Variants in RIN3 observed in about 807,000 individuals in gnomAD.
RIN3 encodes RAB5 interacting protein 3.
Under a neutral mutation model 76.3 loss-of-function variants are expected in RIN3, and 54 were observed. The ratio of observed to expected loss-of-function variants is 0.71; its 90% CI spans 0.57 to 0.89. The LOEUF (loss-of-function observed/expected upper bound fraction) is 0.89. RIN3 is among the 40% of genes least tolerant of loss of function. The probability of loss-of-function intolerance (pLI) is 0.00; values close to 1 mark genes in which losing one functional copy is unlikely to be tolerated. For synonymous variants in RIN3, 576 were observed against 564.0 expected (o/e 1.02, Z -0.30); for missense variants, 1,256 against 1,322.1 (o/e 0.95, Z 0.78).
intron 3 of RIN3, among the ~76,000 whole-genome samples, chr14:92,609,063 C>T (rs1047254387): frequency 6.6e-6 from 1 of 152,122 alleles, no homozygotes; most frequent in Non-Finnish European, 1.5e-5. Context: ...CCCAACTCCC[C>T]AAAGTCCGTT....
rs1897561133 is a variant in RIN3, at chr14:92,555,843, A to G, written c.137A>G (p.His46Arg). 6.2e-7 allele frequency: 1 copy of G among 1,614,138 alleles called. No individual in the cohort carries two copies. The highest frequency in any genetic ancestry group is 1.7e-5 in the Admixed American group (1 of 60,014). Residue 46 changes from histidine (H) to arginine (R), a missense_variant, in exon 2 of 10, where the codon CAC becomes CGC. His to Arg is a conservative substitution (Grantham distance 29, BLOSUM62 0). Around this residue, in one of 3 missense-constraint regions of RIN3, gnomAD observed 610 missense variants for 626.4 expected, o/e 0.97. Coordinates refer to ENST00000216487, the MANE Select transcript of RIN3 (RefSeq NM_024832.5). The part of the protein sequence containing the change: ...LPANPKNCLP[H>R]RRGISILEKL... Reference sequence around the variant, plus strand: ...GCCAACCCGAAAAACTGCCTTCCTCACCGCCGGGGCATCAGCATCCTGGAG... The same window carrying G: ...GCCAACCCGAAAAACTGCCTTCCTCGCCGCCGGGGCATCAGCATCCTGGAG...
At chr14:92,530,465 C>T (rs572153456) in intron 1 of RIN3, among the ~76,000 whole-genome samples, 81 of 152,278 alleles carry the variant, frequency 5.3e-4, no homozygotes, top group African/African-American at 1.8e-3. Flanking sequence ...CTAATTGCAG[C>T]GATTATGTCT....
At chr14:92,556,416 G>A (rs1057258968) in intron 2 of RIN3, among the ~76,000 whole-genome samples, 7 of 152,176 alleles carry the variant, frequency 4.6e-5, no homozygotes, top group African/African-American at 7.2e-5. Flanking sequence ...AGATGTTTTG[G>A]AGGTCAGGCT....
chr14:92,549,307 A>G (rs1360766659), intron 1 of RIN3, among the ~76,000 whole-genome samples: 8 of 152,120 alleles, frequency 5.3e-5, no homozygotes, highest in African/African-American at 1.7e-4. Context: ...GGCCAAGTCT[A>G]TACAGGAAGG....
intron 2 of RIN3, among the ~76,000 whole-genome samples, chr14:92,557,846 C>A (rs976278812): frequency 1.3e-5 from 2 of 152,212 alleles, no homozygotes. Flanking sequence ...GGATGCAGCT[C>A]GAAACCAGCC....
At chr14:92,603,286 A>G (rs1247919174) in intron 3 of RIN3, among the ~76,000 whole-genome samples, 1 of 152,128 alleles carries the variant, frequency 6.6e-6, no homozygotes, top group Non-Finnish European at 1.5e-5. Flanking sequence ...GCTTTTTTTC[A>G]GCACATTTTC....
chr14:92,520,370 G>T (rs910572435), intron 1 of RIN3, among the ~76,000 whole-genome samples: 5 of 152,208 alleles, frequency 3.3e-5, no homozygotes, highest in African/African-American at 7.2e-5. Flanking sequence ...TCCAGTAGAG[G>T]GGGGTGGGAG....
intron 1 of RIN3, among the ~76,000 whole-genome samples, chr14:92,551,832 A>G (rs1332985949): frequency 6.6e-6 from 1 of 152,152 alleles, no homozygotes; most frequent in African/African-American, 2.4e-5. Flanking sequence ...TTTTGCAGAT[A>G]TTTTTCCCCC....
chr14:92,651,885 G>GCCCCCCC lies in RIN3; in HGVS notation c.839_840insCCCCCCC (p.Pro283ThrfsTer143). ...CCCACCTCCAGGTGGGCCCCACGCCGCCCACCACCCCCTCCCCCAGTGCTG... is the reference window on the plus strand; with the variant it reads ...CCCACCTCCAGGTGGGCCCCACGCCGCCCCCCCCCCACCACCCCCTCCCCCAGTGCTG... On this transcript the variant is annotated frameshift_variant, in exon 6 of 10. Transcript: ENST00000216487. LOFTEE classifies it high-confidence loss of function. The GCCCCCCC allele has an allele frequency of 7.1e-7, 1 of 1,411,014 alleles. No homozygotes were observed. Among genetic ancestry groups the GCCCCCCC allele is most frequent in the Non-Finnish European group, 9.4e-7 (1 of 1,069,460 alleles). The allele number at this position is 1,411,014 out of a possible 1,614,324, so 87.4% of individuals were successfully genotyped here.
In RIN3 at chr14:92,611,768, C is replaced by T. The variant is rs184056269; in HGVS notation, c.368-3639C>T. On this transcript the variant is annotated intron_variant, in intron 3 of 9. Coordinates refer to ENST00000216487, the MANE Select transcript of RIN3 (RefSeq NM_024832.5). Reference sequence around the variant, plus strand: ...TCAACAGGTGGGTACTTTACTACCCCTGTTGTGTTCGTCTGTTGTTGCATT... The same window carrying T: ...TCAACAGGTGGGTACTTTACTACCCTTGTTGTGTTCGTCTGTTGTTGCATT... Among the ~76,000 whole-genome samples, 526 of 152,264 alleles carry T rather than the reference C, an allele frequency of 3.5e-3. 4 individuals carry two copies. Among genetic ancestry groups the T allele is most frequent in the African/African-American group, 0.012 (510 of 41,536 alleles).
chr14:92,615,573 A>T, intron 4 of RIN3, 94 bp downstream of exon 4: 4 of 1,056,642 alleles, frequency 3.8e-6, no homozygotes, highest in Non-Finnish European at 5.9e-6. Context: ...GGGAAGCCCC[A>T]GAGGGAGGGG....
chr14:92,588,555 T>G (rs1242622869), intron 3 of RIN3, among the ~76,000 whole-genome samples: 2 of 151,996 alleles, frequency 1.3e-5, no homozygotes, highest in African/African-American at 2.4e-5. Context: ...AGGGCACTAA[T>G]CCCATTCATG....
chr14:92,652,952 A>C lies in RIN3; in HGVS notation c.1903A>C (p.Thr635Pro), dbSNP rs1039011120. The C allele has an allele frequency of 2.5e-6, 4 of 1,613,544 alleles. No individual in the cohort carries two copies. Among genetic ancestry groups the C allele is most frequent in the African/African-American group, 1.3e-5 (1 of 74,874 alleles). ...CAGCCTGGAGATGATGGCGCGCCAG[A>C]CCTCCAGCACGGAGATGCTGCAGGA... ...VYSLEMMARQ[T>P]SSTEMLQEIR... The change falls in exon 6 of 10, where the codon ACC (threonine) becomes CCC (proline). Residue 635 changes from threonine (T) to proline (P), a missense_variant. Physicochemically the swap from Thr to Pro is conservative, Grantham distance 38. Transcript: ENST00000216487. This position sits in a 1 kb window ranked among gnomAD's most constrained non-coding sequence, Gnocchi z 6.4.
rs190034954 is a variant in RIN3, at chr14:92,587,083, C to T, written c.367+9606C>T. Among the ~76,000 whole-genome samples the T allele has an allele frequency of 5.9e-5, 9 of 152,294 alleles. No individual in the cohort carries two copies. The East Asian group carries it at 1.5e-3, about 26-fold the overall frequency. ...TGGGATTCGGCCAGGTCACGAAAGACCTTGACAACCACCCGAGGGTGTTAG... is the reference window on the plus strand; with the variant it reads ...TGGGATTCGGCCAGGTCACGAAAGATCTTGACAACCACCCGAGGGTGTTAG... On this transcript the variant is annotated intron_variant, in intron 3 of 9. Transcript: ENST00000216487.
At chr14:92,663,506 TGAA>T (rs1300837707) in intron 7 of RIN3, among the ~76,000 whole-genome samples, 3 of 152,204 alleles carry the variant, frequency 2.0e-5, no homozygotes, top group African/African-American at 7.2e-5. Context: ...CTCTGAGACG[TGAA>T]GGTCAGGCCA....
intron 5 of RIN3, among the ~76,000 whole-genome samples, chr14:92,642,448 G>A (rs1887050430): frequency 6.6e-6 from 1 of 152,100 alleles, no homozygotes; most frequent in Non-Finnish European, 1.5e-5. Context: ...CTGCTCAGGA[G>A]CCGTTGTAGG....
At chr14:92,687,767 C>G (rs1210791538) in intron 9 of RIN3, 159 bp from the exon 10 acceptor site, 5 of 635,890 alleles carry the variant, frequency 7.9e-6, no homozygotes, top group Non-Finnish European at 1.3e-5. Flanking sequence ...ACGGGCCCCC[C>G]GCAGGCTCGC....
intron 1 of RIN3, among the ~76,000 whole-genome samples, chr14:92,535,786 T>C (rs988650740): frequency 1.7e-4 from 26 of 151,080 alleles, no homozygotes; most frequent in African/African-American, 2.4e-5. Context: ...GCGATTCTCC[T>C]GCCTCAGCCT....
In RIN3 at chr14:92,653,007, G is replaced by A; in HGVS notation, c.1958G>A (p.Ser653Asn). The A allele has an allele frequency of 2.5e-6, 4 of 1,612,294 alleles. No individual in the cohort carries two copies. The highest frequency in any genetic ancestry group is 3.4e-6 in the Non-Finnish European group (4 of 1,180,038). Residue 653 changes from serine (S) to asparagine (N), a missense_variant, in exon 6 of 10, where the codon AGC becomes AAC. Transcript: ENST00000216487. ...EIRTMMTQLK[S>N]YLLQSTELKA... is the part of the protein sequence containing the mutation. ...CGCACCATGATGACCCAGCTCAAGA[G>A]CTACCTGCTGCAGAGCACCGAGCTC... is the stretch of plus-strand genomic sequence containing the variant.
Sources: allele counts gnomAD v4.1 joint callset (sites outside exome capture counted in the v4.1 genomes callset), GRCh38; gene constraint gnomAD v4.1.1; regional missense constraint gnomAD v4.1.1; non-coding constraint Gnocchi (gnomAD v3.1); transcripts MANE v1.5; gene names NCBI Gene and HGNC (gene_info 2026-07-23, HGNC 2026-07-21).